Variants in SEC14L1 observed in about 807,000 individuals in gnomAD.
SEC14L1 encodes SEC14 like lipid binding 1, also known as SEC14-like protein 1.
SEC14L1 carries 48 observed loss-of-function variants against 85.3 expected under a neutral mutation model. That is an observed-to-expected ratio of 0.56 (90% CI 0.45 to 0.72). The LOEUF is 0.72. SEC14L1 is among the 30% of genes least tolerant of loss of function. SEC14L1 has a pLI of 0.00. For synonymous variants in SEC14L1, 391 were observed against 355.5 expected (o/e 1.10, Z -1.12); for missense variants, 682 against 921.4 (o/e 0.74, Z 3.36).
chr17:77,196,854 G>A (rs1043918447), intron 8 of SEC14L1, among the ~76,000 whole-genome samples: 3 of 152,210 alleles, frequency 2.0e-5, no homozygotes, highest in South Asian at 4.1e-4. Context: ...ACTGAGTGCT[G>A]TTGAATACCA....
At chr17:77,158,469 T>TTAA (rs560819950) in intron 3 of SEC14L1, among the ~76,000 whole-genome samples, 2,223 of 152,306 alleles carry the variant, frequency 0.015, 50 homozygotes, top group Admixed American at 0.041. Flanking sequence ...CTGGGTTTTT[T>TTAA]CACTTAGCCT....
intron 3 of SEC14L1, among the ~76,000 whole-genome samples, chr17:77,168,456 G>A (rs1216211862): frequency 6.6e-6 from 1 of 152,196 alleles, no homozygotes; most frequent in African/African-American, 2.4e-5. Context: ...AGGGTATGAT[G>A]CAGCATCCTA....
intron 3 of SEC14L1, among the ~76,000 whole-genome samples, chr17:77,124,258 G>T (rs1255208197): frequency 3.3e-5 from 5 of 152,158 alleles, no homozygotes; most frequent in Admixed American, 2.6e-4. Flanking sequence ...CAGCTACTTG[G>T]GGGGCTGAGG....
chr17:77,099,947 A>G (rs963335974), intron 3 of SEC14L1, among the ~76,000 whole-genome samples: 1 of 152,214 alleles, frequency 6.6e-6, no homozygotes, highest in Non-Finnish European at 1.5e-5. Context: ...CAACAAAAAC[A>G]TGTCTTTTTG....
Position 77,214,593 on chromosome 17 carries a change from G to A in SEC14L1, c.*570G>A. Reference sequence around the variant, plus strand: ...TTGCCTGCGGAGTACCTTGTCCCAGGGCCAGACACACCCACACCACCCACT... The same window carrying A: ...TTGCCTGCGGAGTACCTTGTCCCAGAGCCAGACACACCCACACCACCCACT... On this transcript the variant is annotated 3_prime_UTR_variant, in exon 17 of 17. Coordinates refer to ENST00000436233, the MANE Select transcript of SEC14L1 (RefSeq NM_001143998.2). 1 of 987,744 alleles carries A rather than the reference G, an allele frequency of 1.0e-6. No homozygotes were observed. The highest frequency in any genetic ancestry group is 1.2e-6 in the Non-Finnish European group (1 of 831,530). 61.2% of individuals were successfully genotyped at this position (987,744 alleles called of 1,614,324 possible). A position where few individuals can be genotyped will look rare whatever the true frequency, so the allele number is the denominator to read the frequency against.
chr17:77,113,990 G>T (rs772153958), intron 3 of SEC14L1, among the ~76,000 whole-genome samples: 3 of 152,136 alleles, frequency 2.0e-5, no homozygotes, highest in Non-Finnish European at 4.4e-5. Flanking sequence ...CCTACTCACA[G>T]GCCTAAAATG....
At chr17:77,157,640 G>T (rs1417952177) in intron 3 of SEC14L1, among the ~76,000 whole-genome samples, 1 of 151,604 alleles carries the variant, frequency 6.6e-6, no homozygotes, top group Non-Finnish European at 1.5e-5. Flanking sequence ...CGATTCTTCT[G>T]CCTCAGCCTC....
intron 3 of SEC14L1, among the ~76,000 whole-genome samples, chr17:77,180,246 G>T (rs1974971232): frequency 6.6e-6 from 1 of 151,792 alleles, no homozygotes. Context: ...TGGGACTACA[G>T]GCACCTGCCA....
chr17:77,134,339 T>A (rs1972719631), intron 3 of SEC14L1, among the ~76,000 whole-genome samples: 1 of 151,286 alleles, frequency 6.6e-6, no homozygotes, highest in Non-Finnish European at 1.5e-5. Context: ...AGCCTCAACC[T>A]CCTGGGTTCA....
chr17:77,200,367 C>T (rs983976330), intron 8 of SEC14L1, 117 bp from the exon 9 acceptor site: 39 of 716,650 alleles, frequency 5.4e-5, no homozygotes, highest in Middle Eastern at 4.0e-4. Context: ...TGGCATTTCA[C>T]CATATTGGCC....
rs764731619 is a variant in SEC14L1 at position 77,212,225 on chromosome 17, C to G, written c.1863+24C>G. The stretch of plus-strand genomic sequence containing the variant: ...AGGTAAAATCACACACAGGTCAAAT[C>G]GCGCATCCGTGACTCCACACGGCCA... On this transcript the variant is annotated intron_variant, in intron 15 of 16. Coordinates refer to ENST00000436233, the MANE Select transcript of SEC14L1 (RefSeq NM_001143998.2). 5.6e-6 allele frequency: 9 copies of G among 1,609,768 alleles called. No homozygotes were observed. In the African/African-American group the frequency reaches 9.4e-5, roughly 17 times the overall value.
chr17:77,143,445 A>G (rs974691456), intron 2 of SEC14L1, 122 bp from the exon 3 acceptor site: 2 of 571,152 alleles, frequency 3.5e-6, no homozygotes, highest in Middle Eastern at 3.6e-4. Context: ...TTGTGTGCAT[A>G]GAATTATGAC....
intron 3 of SEC14L1, 147 bp from the exon 4 acceptor site, chr17:77,190,656 T>G: frequency 1.4e-6 from 1 of 728,598 alleles, no homozygotes; most frequent in Non-Finnish European, 2.3e-6. Context: ...TTTTTCTTCT[T>G]TAATGAAAGC....
chr17:77,197,091 T>C (rs1975850942), intron 8 of SEC14L1, among the ~76,000 whole-genome samples: 1 of 152,186 alleles, frequency 6.6e-6, no homozygotes, highest in Admixed American at 6.5e-5. Context: ...CCCAGGCCAT[T>C]TTGTTCCAGA....
At chr17:77,159,440 G>A (rs972984174) in intron 3 of SEC14L1, among the ~76,000 whole-genome samples, 20 of 149,794 alleles carry the variant, frequency 1.3e-4, no homozygotes, top group Non-Finnish European at 2.2e-4. Flanking sequence ...GAGTGCAGTG[G>A]TGCGATCTCA....
chr17:77,216,548 G>A lies in SEC14L1; in HGVS notation c.*2525G>A. On this transcript the variant is annotated 3_prime_UTR_variant, in exon 17 of 17. Transcript: ENST00000436233. ...TCTCTTTCTCTTTCTCTGTGTCTCAGATGGCGATTTTGCTGACAGCTGCCA... is the reference window on the plus strand; with the variant it reads ...TCTCTTTCTCTTTCTCTGTGTCTCAAATGGCGATTTTGCTGACAGCTGCCA... 1 of 1,613,312 alleles carries A rather than the reference G, an allele frequency of 6.2e-7. No homozygotes were observed. Among genetic ancestry groups the A allele is most frequent in the South Asian group, 1.1e-5 (1 of 91,082 alleles).
At chr17:77,184,925 C>A (rs185941683) in intron 3 of SEC14L1, among the ~76,000 whole-genome samples, 3 of 152,282 alleles carry the variant, frequency 2.0e-5, no homozygotes, top group African/African-American at 7.2e-5. Flanking sequence ...GGTACCTAAG[C>A]CATCCCAGAG....
At chr17:77,133,473 C>A (rs1224147463) in intron 3 of SEC14L1, among the ~76,000 whole-genome samples, 1 of 152,224 alleles carries the variant, frequency 6.6e-6, no homozygotes, top group Non-Finnish European at 1.5e-5. Flanking sequence ...CAGACTCAGG[C>A]TCCTAATGGG....
chr17:77,173,450 G>A, intron 3 of SEC14L1, among the ~76,000 whole-genome samples: 1 of 151,862 alleles, frequency 6.6e-6, no homozygotes, highest in Non-Finnish European at 1.5e-5. Context: ...AGGATCCCAT[G>A]TGGGTTGCTT....
Sources: allele counts gnomAD v4.1 joint callset (sites outside exome capture counted in the v4.1 genomes callset), GRCh38; gene constraint gnomAD v4.1.1; transcripts MANE v1.5; gene names NCBI Gene and HGNC (gene_info 2026-07-23, HGNC 2026-07-21).